The following GABRA2 variants were observed in gnomAD, a reference collection of about 807,000 sequenced individuals.
GABRA2 encodes the protein gamma-aminobutyric acid type A receptor subunit alpha2.
GABRA2 carries 16 observed loss-of-function variants against 48.7 expected under a neutral mutation model. That is an observed-to-expected ratio of 0.33 (90% CI 0.22 to 0.50). The LOEUF (loss-of-function observed/expected upper bound fraction) is 0.50. Ranked by LOEUF, GABRA2 falls within the 20% of genes least tolerant of loss-of-function variation. The pLI, the probability that GABRA2 is intolerant of heterozygous loss-of-function variation, is 0.98. For synonymous variants in GABRA2, 185 were observed against 184.5 expected, an observed-to-expected ratio of 1.00 and a Z score of -0.02; for missense variants, 275 against 535.6, an observed-to-expected ratio of 0.51 and a Z score of 4.80.
chr4:46,340,831 T>A (rs1368384321), intron 3 of GABRA2, among the ~76,000 whole-genome samples: 1 of 152,054 alleles, frequency 6.6e-6, no homozygotes, highest in African/African-American at 2.4e-5. Flanking sequence ...CTTTCTGTCC[T>A]TTCTTTCCTT....
At chr4:46,299,663 T>C (rs1264115350) in intron 8 of GABRA2, among the ~76,000 whole-genome samples, 2 of 137,944 alleles carry the variant, frequency 1.4e-5, no homozygotes, top group Non-Finnish European at 3.1e-5. Flanking sequence ...TGTTGGAGAA[T>C]TGGGTTTCTT....
chr4:46,355,676 A>G (rs1735840402), intron 3 of GABRA2, among the ~76,000 whole-genome samples: 1 of 152,162 alleles, frequency 6.6e-6, no homozygotes, highest in Non-Finnish European at 1.5e-5. Flanking sequence ...CAAGCACAGG[A>G]ACCCCCAAAT....
chr4:46,334,512 A>T (rs1446949533), intron 3 of GABRA2, among the ~76,000 whole-genome samples: 1 of 152,196 alleles, frequency 6.6e-6, no homozygotes, highest in Non-Finnish European at 1.5e-5. Context: ...CTAAGAGAAG[A>T]AAGTGAAATG....
At chr4:46,368,946 G>A (rs1227264449) in intron 3 of GABRA2, 1 of 695,850 alleles carries the variant, frequency 1.4e-6, no homozygotes, top group Admixed American at 2.0e-5. Context: ...TTTGAGTTTG[G>A]GTCCCTTTGT....
At chr4:46,274,702 C>T (rs772856897) in intron 8 of GABRA2, among the ~76,000 whole-genome samples, 10 of 152,094 alleles carry the variant, frequency 6.6e-5, no homozygotes, top group Non-Finnish European at 1.5e-4. Flanking sequence ...ATTCTCCCCT[C>T]TCTACTTCCT....
Position 46,250,043 on chromosome 4 carries a change from A to G in GABRA2, c.*265T>C, listed in dbSNP as rs1714422817. The G allele has an allele frequency of 2.9e-6, 1 of 344,382 alleles. No individual in the cohort carries two copies. The highest frequency in any genetic ancestry group is 5.3e-6 in the Non-Finnish European group (1 of 188,572). The allele number at this position is 344,382 out of a possible 1,614,324, so 21.3% of individuals were successfully genotyped here. A position where few individuals can be genotyped will look rare whatever the true frequency, so the allele number is the denominator to read the frequency against. ...CATTTGGAAGAATAGGAAATTAATC[A>G]GGTCACTTGAAATTCACTTTAAATC... On this transcript the variant is annotated 3_prime_UTR_variant, in exon 10 of 10. Coordinates refer to ENST00000381620, the MANE Select transcript of GABRA2 (RefSeq NM_000807.4).
rs567311568 is a variant in GABRA2 at position 46,258,571 on chromosome 4, G to A, written c.1059+3355C>T. On this transcript the variant is annotated intron_variant, in intron 9 of 9. Transcript: ENST00000381620. ...AGCATTAAAGAAAGCAGAATTGACT[G>A]TCTTTAGGGATAAACAAGAACAGAT... 2.2e-4 allele frequency among the ~76,000 whole-genome samples: 34 copies of A among 151,910 alleles called. No homozygotes were observed. In the South Asian group the frequency reaches 2.5e-3, roughly 11 times the overall value.
At chr4:46,361,783 G>C (rs1713232469) in intron 3 of GABRA2, among the ~76,000 whole-genome samples, 1 of 152,218 alleles carries the variant, frequency 6.6e-6, no homozygotes, top group African/African-American at 2.4e-5. Flanking sequence ...GCTGCCCAAG[G>C]CCATGGTAGC....
At chr4:46,339,634 T>C (rs947667102) in intron 3 of GABRA2, among the ~76,000 whole-genome samples, 3 of 151,880 alleles carry the variant, frequency 2.0e-5, no homozygotes, top group African/African-American at 7.2e-5. Context: ...TATCAGAGTA[T>C]ACAATAAAGG....
intron 3 of GABRA2, among the ~76,000 whole-genome samples, chr4:46,379,070 C>T (rs1029595275): frequency 6.6e-6 from 1 of 152,182 alleles, no homozygotes; most frequent in South Asian, 2.1e-4. Flanking sequence ...CCTAAGAAGC[C>T]TATCTTAGTC....
intron 1 of GABRA2, 193 bp downstream of exon 1, chr4:46,389,542 G>A: frequency 2.1e-6 from 1 of 465,228 alleles, no homozygotes; most frequent in Non-Finnish European, 2.8e-6. Context: ...TTTTATTGTA[G>A]TTGCAAATAT....
chr4:46,303,079 T>G (rs1437382183), intron 8 of GABRA2: 5 of 181,598 alleles, frequency 2.8e-5, no homozygotes, highest in African/African-American at 1.2e-4. Flanking sequence ...TATTTCTGTA[T>G]CCTTAGTGCT....
At chr4:46,369,855 A>G (rs929672479) in intron 3 of GABRA2, among the ~76,000 whole-genome samples, 5 of 152,268 alleles carry the variant, frequency 3.3e-5, no homozygotes, top group Admixed American at 3.3e-4. Flanking sequence ...ATATAAGTGG[A>G]TGGTAGTTAT....
In GABRA2 at chr4:46,244,868, A is replaced by G. The variant is rs1713421980; in HGVS notation, c.*5440T>C. ...CAAAAACGGGTATTGCTTACTGTAC[A>G]GTACAGTTTTATTGTTGAGTGTTTG... is the stretch of plus-strand genomic sequence containing the variant. On this transcript the variant is annotated 3_prime_UTR_variant, in exon 10 of 10. Transcript: ENST00000381620. Among the ~76,000 whole-genome samples, 1 of 151,358 alleles carries G rather than the reference A, an allele frequency of 6.6e-6. No homozygotes were observed. The highest frequency in any genetic ancestry group is 2.1e-4 in the South Asian group (1 of 4,826).
intron 8 of GABRA2, among the ~76,000 whole-genome samples, chr4:46,296,683 G>C (rs1724783056): frequency 8.0e-6 from 1 of 125,182 alleles, no homozygotes; most frequent in Non-Finnish European, 1.8e-5. Context: ...AAAAAAACCT[G>C]CTGAGGTGCT....
chr4:46,296,243 C>T (rs1724648260), intron 8 of GABRA2, among the ~76,000 whole-genome samples: 1 of 152,152 alleles, frequency 6.6e-6, no homozygotes, highest in South Asian at 2.1e-4. Flanking sequence ...ACCATCACTC[C>T]TAGTGATCCA....
At chr4:46,293,813 C>G (rs1724129997) in intron 8 of GABRA2, among the ~76,000 whole-genome samples, 1 of 152,140 alleles carries the variant, frequency 6.6e-6, no homozygotes, top group African/African-American at 2.4e-5. Flanking sequence ...TTGAAAAATG[C>G]AGGGGTGGTG....
chr4:46,357,905 A>C (rs928139199), intron 3 of GABRA2, among the ~76,000 whole-genome samples: 1 of 151,802 alleles, frequency 6.6e-6, no homozygotes, highest in South Asian at 2.1e-4. Context: ...TGATCCACCC[A>C]CCTCTGCCTC....
intron 8 of GABRA2, among the ~76,000 whole-genome samples, chr4:46,289,439 A>G (rs1016413889): frequency 6.6e-6 from 1 of 152,198 alleles, no homozygotes; most frequent in African/African-American, 2.4e-5. Flanking sequence ...TTAGCAAATT[A>G]ATGCAGGAAT....
Sources: gnomAD v4.1 joint callset for allele counts (sites outside exome capture counted in the v4.1 genomes callset) on GRCh38, gnomAD v4.1.1 for gene constraint, MANE v1.5 for transcripts, NCBI Gene and HGNC (gene_info 2026-07-23, HGNC 2026-07-21) for gene names.